Variants in FRMD4A observed in about 807,000 individuals in gnomAD.
FRMD4A encodes FERM domain-containing protein 4A.
FRMD4A carries 29 observed loss-of-function variants against 129.1 expected under a neutral mutation model. The ratio of observed to expected loss-of-function variants is 0.22; its 90% confidence interval spans 0.17 to 0.31. FRMD4A has a LOEUF of 0.31. Ranked by LOEUF, FRMD4A falls within the 10% of genes least tolerant of loss-of-function variation. The probability of loss-of-function intolerance (pLI) is 1.00; values close to 1 mark genes in which losing one functional copy is unlikely to be tolerated. For synonymous variants in FRMD4A, 634 were observed against 571.6 expected, an observed-to-expected ratio of 1.11 and a Z score of -1.56; for missense variants, 1,272 against 1,375.8, an observed-to-expected ratio of 0.92 and a Z score of 1.19.
intron 2 of FRMD4A, among the ~76,000 whole-genome samples, chr10:13,936,181 G>A (rs546594282): frequency 6.6e-6 from 1 of 152,152 alleles, no homozygotes; most frequent in Non-Finnish European, 1.5e-5. Context: ...TATAATCCAG[G>A]AAAGCTTCCT....
chr10:14,031,566 GT>G (rs1833246850), intron 2 of FRMD4A, among the ~76,000 whole-genome samples: 1 of 152,120 alleles, frequency 6.6e-6, no homozygotes, highest in African/African-American at 2.4e-5. Flanking sequence ...CCTTACAGAT[GT>G]TTTTTAATGG....
intron 2 of FRMD4A, among the ~76,000 whole-genome samples, chr10:13,919,861 C>G (rs1456872324): frequency 1.3e-5 from 2 of 152,216 alleles, no homozygotes; most frequent in East Asian, 3.9e-4. Flanking sequence ...TTGCTTGAAC[C>G]CAAGAGGCAG....
At chr10:14,220,684 C>A (rs12246719) in intron 2 of FRMD4A, among the ~76,000 whole-genome samples, 1,642 of 152,160 alleles carry the variant, frequency 0.011, 29 homozygotes, top group African/African-American at 0.038. Context: ...GTGTCAGAGA[C>A]CAGAGTCATT....
chr10:13,894,382 C>T (rs1401666525), intron 2 of FRMD4A, among the ~76,000 whole-genome samples: 1 of 152,196 alleles, frequency 6.6e-6, no homozygotes, highest in East Asian at 1.9e-4. Flanking sequence ...TAAGGACCCC[C>T]TGGTCATCCA....
intron 2 of FRMD4A, among the ~76,000 whole-genome samples, chr10:14,167,730 G>C (rs1031863385): frequency 1.3e-5 from 2 of 152,026 alleles, no homozygotes; most frequent in African/African-American, 4.8e-5. Flanking sequence ...AGATTTCCCA[G>C]AGGATGTGGC....
At chr10:13,676,236 G>T (rs1343391301) in intron 15 of FRMD4A, among the ~76,000 whole-genome samples, 14 of 151,940 alleles carry the variant, frequency 9.2e-5, no homozygotes. Context: ...TCTCTACAAA[G>T]GGAAAAGCTG....
chr10:14,328,626 A>G (rs1015912829), intron 2 of FRMD4A, among the ~76,000 whole-genome samples: 60 of 142,578 alleles, frequency 4.2e-4, no homozygotes, highest in African/African-American at 1.4e-3. Flanking sequence ...ATACATATGC[A>G]TGTGTGTGTG....
At chr10:13,753,389 CACAG>C (rs1398573430) in intron 8 of FRMD4A, among the ~76,000 whole-genome samples, 1 of 152,112 alleles carries the variant, frequency 6.6e-6, no homozygotes, top group Non-Finnish European at 1.5e-5. Flanking sequence ...TGTGACCATT[CACAG>C]ACAAAGGGAA....
At chr10:13,986,078 C>T (rs2095580086) in intron 2 of FRMD4A, among the ~76,000 whole-genome samples, 1 of 152,186 alleles carries the variant, frequency 6.6e-6, no homozygotes, top group South Asian at 2.1e-4. Flanking sequence ...AGGCTCCCTT[C>T]CACAGGCGTA....
intron 2 of FRMD4A, among the ~76,000 whole-genome samples, chr10:13,955,740 G>A (rs72774678): frequency 2.2e-4 from 33 of 152,308 alleles, no homozygotes; most frequent in African/African-American, 7.0e-4. Flanking sequence ...AATTTCTAGC[G>A]TATTAAAGGC....
intron 12 of FRMD4A, among the ~76,000 whole-genome samples, chr10:13,734,091 C>T (rs888606036): frequency 2.6e-5 from 4 of 152,196 alleles, no homozygotes; most frequent in Admixed American, 2.0e-4. Flanking sequence ...CTTCTCTCAG[C>T]GTCCACACTC....
chr10:14,039,138 G>A (rs543743129), intron 2 of FRMD4A, among the ~76,000 whole-genome samples: 1 of 152,242 alleles, frequency 6.6e-6, no homozygotes, highest in South Asian at 2.1e-4. Flanking sequence ...TGCAAGCATC[G>A]GGCTATTGAT....
chr10:14,036,295 C>T (rs985726548), intron 2 of FRMD4A, among the ~76,000 whole-genome samples: 3 of 152,128 alleles, frequency 2.0e-5, no homozygotes, highest in Non-Finnish European at 2.9e-5. Context: ...TATTATGTTT[C>T]GCCCCATCAT....
intron 2 of FRMD4A, among the ~76,000 whole-genome samples, chr10:14,276,980 T>G (rs944350307): frequency 1.3e-5 from 2 of 152,188 alleles, no homozygotes; most frequent in African/African-American, 4.8e-5. Flanking sequence ...TTCTCCCACC[T>G]CAGCCTCCCA....
intron 2 of FRMD4A, among the ~76,000 whole-genome samples, chr10:13,919,044 G>C (rs2095041093): frequency 6.6e-6 from 1 of 152,112 alleles, no homozygotes; most frequent in Non-Finnish European, 1.5e-5. Flanking sequence ...GTGACATCTA[G>C]TTAGATGCCT....
Position 13,663,494 on chromosome 10 carries a change from C to T in FRMD4A, c.1619G>A (p.Ser540Asn), listed in dbSNP as rs368361080. Residue 540 changes from serine to asparagine, a missense_variant, in exon 19 of 25, where the codon AGT becomes AAT. By Grantham distance (46) the Ser-to-Asn change is conservative (BLOSUM62 1). This residue lies in a region of FRMD4A where 972 missense variants were observed against 892.3 expected (regional missense o/e 1.09). Transcript: ENST00000357447. Reference sequence around the variant, plus strand: ...GGCATCTGAGAGGGAGCTGTCTTCACTGGCAATGTTTCCATCTGAGAAGAC... The same window carrying T: ...GGCATCTGAGAGGGAGCTGTCTTCATTGGCAATGTTTCCATCTGAGAAGAC... ...SLIIDDGNIA[S>N]EDSSLSDALV... 1.3e-6 allele frequency: 2 copies of T among 1,552,182 alleles called. No individual in the cohort carries two copies. The highest frequency in any genetic ancestry group is 2.2e-5 in the East Asian group (1 of 44,604).
intron 2 of FRMD4A, among the ~76,000 whole-genome samples, chr10:13,884,194 A>ACT (rs56291063): frequency 1.3e-5 from 1 of 79,836 alleles, no homozygotes; most frequent in Non-Finnish European, 2.7e-5. Context: ...ACACACACAC[A>ACT]CTCACACACA....
chr10:14,099,924 C>T (rs965080743), intron 2 of FRMD4A, among the ~76,000 whole-genome samples: 5 of 152,184 alleles, frequency 3.3e-5, no homozygotes, highest in Admixed American at 1.3e-4. Flanking sequence ...GGCAACCTGG[C>T]TTTAGGGCCT....
chr10:14,038,412 A>G (rs1833608987), intron 2 of FRMD4A, among the ~76,000 whole-genome samples: 1 of 152,258 alleles, frequency 6.6e-6, no homozygotes, highest in African/African-American at 2.4e-5. Flanking sequence ...TGTATTGTAT[A>G]TGCCACGCAT....
Sources: allele counts gnomAD v4.1 joint callset (sites outside exome capture counted in the v4.1 genomes callset), GRCh38; gene constraint gnomAD v4.1.1; regional missense constraint gnomAD v4.1.1; transcripts MANE v1.5; gene names NCBI Gene and HGNC (gene_info 2026-07-23, HGNC 2026-07-21).